The following TSHR variants were observed in gnomAD, a reference collection of about 807,000 sequenced individuals.
TSHR encodes thyrotropin receptor.
Under a neutral mutation model 64.1 loss-of-function variants are expected in TSHR, and 51 were observed. The ratio of observed to expected loss-of-function variants is 0.80; its 90% CI spans 0.64 to 1.01. The LOEUF (loss-of-function observed/expected upper bound fraction) is 1.01. Among genes scored for constraint, TSHR ranks in the 50% least tolerant of loss-of-function variants. The pLI is 0.00. For missense variants in TSHR, 877 were observed against 942.8 expected (o/e 0.93, Z 0.91); for synonymous variants, 361 against 361.9 (o/e 1.00, Z 0.03).
At position 80,982,857 on chromosome 14, in the gene TSHR, C is replaced by T. The variant is rs370528865; in HGVS notation, c.170+27007C>T. 4.3e-4 allele frequency: 217 copies of T among 506,742 alleles called. 1 individual carries two copies. The South Asian group carries it at 7.1e-3, about 17-fold the overall frequency. 31.4% of individuals were successfully genotyped at this position (506,742 alleles called of 1,614,324 possible). A position where few individuals can be genotyped will look rare whatever the true frequency, so the allele number is the denominator to read the frequency against. ...TTGGTTCCGACCCTTGCATCCAGAC[C>T]ATAGATGAGATTAGACACCAAATCA... On this transcript the variant is annotated intron_variant, in intron 1 of 9. Transcript: ENST00000298171.
intron 8 of TSHR, among the ~76,000 whole-genome samples, chr14:81,116,708 C>T (rs1890530065): frequency 6.8e-6 from 1 of 147,300 alleles, no homozygotes; most frequent in African/African-American, 2.6e-5. Context: ...AACTCTCCAC[C>T]CCAAATCAAC....
chr14:80,991,199 T>G (rs1406146595), intron 1 of TSHR, among the ~76,000 whole-genome samples: 1 of 152,226 alleles, frequency 6.6e-6, no homozygotes, highest in African/African-American at 2.4e-5. Context: ...CCATGACTCT[T>G]TGTCCTCAGA....
intron 1 of TSHR, chr14:81,051,884 A>G (rs1885453407): frequency 6.6e-6 from 1 of 152,016 alleles, no homozygotes; most frequent in Non-Finnish European, 1.5e-5. Context: ...TAATACGAGT[A>G]TATGTTTTAT....
intron 3 of TSHR, among the ~76,000 whole-genome samples, chr14:81,076,604 C>T (rs1450706959): frequency 6.6e-6 from 1 of 152,138 alleles, no homozygotes; most frequent in Admixed American, 6.5e-5. Flanking sequence ...ATCCCAAATA[C>T]CTGAGATGTA....
intron 1 of TSHR, among the ~76,000 whole-genome samples, chr14:80,997,954 A>G (rs547375324): frequency 6.6e-6 from 1 of 152,150 alleles, no homozygotes; most frequent in Non-Finnish European, 1.5e-5. Flanking sequence ...ATGAGATGGT[A>G]TTTACCTACT....
intron 1 of TSHR, among the ~76,000 whole-genome samples, chr14:81,058,481 A>G (rs530218688): frequency 6.6e-6 from 1 of 152,346 alleles, no homozygotes; most frequent in East Asian, 1.9e-4. Context: ...TATTTTCCCA[A>G]TGAGTTACAT....
chr14:81,088,088 T>G, intron 4 of TSHR, 60 bp downstream of exon 4: 1 of 1,322,758 alleles, frequency 7.6e-7, no homozygotes, highest in Non-Finnish European at 1.1e-6. Context: ...GATTTAATGC[T>G]GTTGTCTCCC....
intron 1 of TSHR, among the ~76,000 whole-genome samples, chr14:80,963,583 A>T (rs2139690414): frequency 6.6e-6 from 1 of 152,394 alleles, no homozygotes; most frequent in East Asian, 1.9e-4. Context: ...TTTTATGGAC[A>T]GTCATACAGA....
chr14:81,115,406 G>A (rs895128887), intron 8 of TSHR, among the ~76,000 whole-genome samples: 22 of 143,662 alleles, frequency 1.5e-4, no homozygotes, highest in Non-Finnish European at 2.7e-4. Flanking sequence ...GAGCCGATGT[G>A]ATCAACTGGA....
At chr14:81,099,066 G>C (rs1889398490) in intron 7 of TSHR, among the ~76,000 whole-genome samples, 1 of 152,138 alleles carries the variant, frequency 6.6e-6, no homozygotes, top group Non-Finnish European at 1.5e-5. Context: ...CTCAACATTA[G>C]GGAGTTTTCA....
intron 1 of TSHR, among the ~76,000 whole-genome samples, chr14:81,029,711 A>G (rs1476654267): frequency 6.6e-6 from 1 of 152,206 alleles, no homozygotes; most frequent in Non-Finnish European, 1.5e-5. Context: ...CTATCAGTTA[A>G]TCAAAGCATT....
At chr14:81,035,912 T>C (rs1408629886) in intron 1 of TSHR, among the ~76,000 whole-genome samples, 1 of 151,874 alleles carries the variant, frequency 6.6e-6, no homozygotes, top group African/African-American at 2.4e-5. Context: ...AAACAGAAAT[T>C]TTGGAGCTGA....
rs1391218915 is a variant in TSHR at position 81,143,805 on chromosome 14, A to G, written c.1747A>G (p.Ile583Val). Residue 583 changes from isoleucine to valine, a missense_variant, in exon 10 of 10, where the codon ATT becomes GTT. Coordinates refer to ENST00000298171, the MANE Select transcript of TSHR (RefSeq NM_000369.5). Reference protein sequence around the residue: ...DTETPLALAYIVFVLTLNIVA... With the variant: ...DTETPLALAYVVFVLTLNIVA... ...CGAGACCCCTCTTGCTCTGGCATAT[A>G]TTGTTTTTGTTCTGACGCTCAACAT... 3 of 1,613,732 alleles carry G rather than the reference A, an allele frequency of 1.9e-6. No individual in the cohort carries two copies. The highest frequency in any genetic ancestry group is 1.3e-5 in the African/African-American group (1 of 74,842).
intron 1 of TSHR, among the ~76,000 whole-genome samples, chr14:80,967,969 C>A (rs938568285): frequency 6.6e-6 from 1 of 152,142 alleles, no homozygotes; most frequent in Non-Finnish European, 1.5e-5. Flanking sequence ...TCTCAGGACC[C>A]TTGCTTTAGG....
chr14:81,064,940 T>C (rs1018259716), intron 2 of TSHR, among the ~76,000 whole-genome samples: 1 of 152,146 alleles, frequency 6.6e-6, no homozygotes, highest in South Asian at 2.1e-4. Flanking sequence ...ACTTTTTACA[T>C]CATAACGAGG....
intron 8 of TSHR, among the ~76,000 whole-genome samples, chr14:81,134,166 G>A (rs536361586): frequency 1.8e-4 from 28 of 151,524 alleles, no homozygotes; most frequent in African/African-American, 3.1e-4. Context: ...AAGGAGTTTC[G>A]CTCTTGTTGC....
At chr14:81,064,228 G>A (rs930516625) in intron 2 of TSHR, among the ~76,000 whole-genome samples, 1 of 152,128 alleles carries the variant, frequency 6.6e-6, no homozygotes, top group Admixed American at 6.6e-5. Context: ...AAGTACAGGG[G>A]ATGGCAAATT....
intron 1 of TSHR, among the ~76,000 whole-genome samples, chr14:80,973,403 C>CAAAACAAAAAAAAA (rs1887688041): frequency 1.9e-5 from 1 of 51,470 alleles, no homozygotes; most frequent in African/African-American, 7.6e-5. Flanking sequence ...GACGCTGTCT[C>CAAAACAAAAAAAAA]AAAAAAAAAA....
intron 1 of TSHR, among the ~76,000 whole-genome samples, chr14:81,008,195 T>C (rs565584760): frequency 5.2e-3 from 777 of 148,958 alleles, no homozygotes; most frequent in Non-Finnish European, 8.8e-3. Flanking sequence ...TTTTTTGAGA[T>C]GGAGTCTCGC....
Sources: gnomAD v4.1 joint callset for allele counts (sites outside exome capture counted in the v4.1 genomes callset) on GRCh38, gnomAD v4.1.1 for gene constraint, MANE v1.5 for transcripts, NCBI Gene and HGNC (gene_info 2026-07-23, HGNC 2026-07-21) for gene names.